Variants in NBPF8 observed in about 807,000 individuals in gnomAD.
NBPF8 encodes NBPF member 8.
At chr1:120,452,062 G>A (rs1195040202) in intron 12 of NBPF8, 55 bp from the exon 11 acceptor site, 1 of 1,418,588 alleles carries the variant, frequency 7.0e-7, no homozygotes, top group African/African-American at 1.4e-5. Context: ...TGCAATATTT[G>A]AGCGGATCAC....
upstream of NBPF8, among the ~76,000 whole-genome samples, chr1:120,416,849 A>G (rs1179198303): frequency 2.0e-5 from 3 of 150,646 alleles, no homozygotes; most frequent in African/African-American, 7.3e-5. Flanking sequence ...TGTCAGTTAA[A>G]AATTATTTTG....
At chr1:120,454,166 A>G in intron 15 of NBPF8, 52 bp downstream of exon 13, 1 of 1,578,762 alleles carries the variant, frequency 6.3e-7, no homozygotes, top group Non-Finnish European at 8.7e-7. Context: ...TGAGGAAGAT[A>G]AACTCTGAAG....
exon 25 of NBPF8, chr1:120,466,019 T>C (rs2101704231): frequency 6.2e-7 from 1 of 1,611,980 alleles, no homozygotes; most frequent in African/African-American, 1.3e-5. Context: ...CCTGAAGTCT[T>C]ACAGGACTCA....
intron 1 of NBPF8, among the ~76,000 whole-genome samples, chr1:120,425,475 G>T (rs1180287279): frequency 1.3e-5 from 2 of 152,030 alleles, no homozygotes; most frequent in Admixed American, 1.3e-4. Context: ...TTTACCTGCT[G>T]ATCTTGTCTC....
chr1:120,445,705 A>G, intron 7 of NBPF8: 2 of 195,240 alleles, frequency 1.0e-5, no homozygotes, highest in South Asian at 2.8e-5. Context: ...ATTCCTTTCA[A>G]CATGTGCTGA....
At chr1:120,419,407 G>A (rs2655814), upstream of NBPF8, among the ~76,000 whole-genome samples, 2 of 151,946 alleles carry the variant, frequency 1.3e-5, no homozygotes, top group Admixed American at 6.6e-5. Context: ...AGAAAGAATC[G>A]AATTCTTGTT....
exon 25 of NBPF8, chr1:120,466,239 G>A (rs1385326435): frequency 1.9e-4 from 308 of 1,606,640 alleles, no homozygotes; most frequent in Non-Finnish European, 2.4e-4. Context: ...TTACTAAGCC[G>A]AGAGGTGTCA....
upstream of NBPF8, chr1:120,433,026 T>A (rs1660928512): frequency 6.6e-6 from 1 of 152,174 alleles, no homozygotes; most frequent in East Asian, 1.9e-4. Flanking sequence ...ATACATGCAA[T>A]GAAGCAGGTA....
At chr1:120,422,556 T>C (rs1660604318) in intron 1 of NBPF8, among the ~76,000 whole-genome samples, 2 of 126,656 alleles carry the variant, frequency 1.6e-5, no homozygotes, top group Non-Finnish European at 3.3e-5. Context: ...TTTTCATGAC[T>C]TGACAGCTTG....
chr1:120,425,691 C>G (rs1388790596), intron 1 of NBPF8, among the ~76,000 whole-genome samples: 1 of 151,100 alleles, frequency 6.6e-6, no homozygotes, highest in Non-Finnish European at 1.5e-5. Context: ...ATGAGAAACG[C>G]CCACAGGTGT....
At chr1:120,454,103 A>T in exon 15 of NBPF8, 1 of 1,612,926 alleles carries the variant, frequency 6.2e-7, no homozygotes, top group Non-Finnish European at 8.5e-7. Flanking sequence ...GATGCTGTAC[A>T]CATTATTCCA....
At chr1:120,449,912 G>A (rs587684784) in intron 11 of NBPF8, among the ~76,000 whole-genome samples, 7 of 152,248 alleles carry the variant, frequency 4.6e-5, no homozygotes, top group South Asian at 4.1e-4. Flanking sequence ...AACCTGTGCT[G>A]TCTATAAGTG....
chr1:120,422,728 C>T (rs1161222983), intron 1 of NBPF8, among the ~76,000 whole-genome samples: 2 of 135,908 alleles, frequency 1.5e-5, no homozygotes, highest in Admixed American at 1.4e-4. Context: ...TTAAGTTTTC[C>T]AAAGTGACTG....
chr1:120,418,631 G>A (rs1408584071), upstream of NBPF8, among the ~76,000 whole-genome samples: 4 of 134,672 alleles, frequency 3.0e-5, no homozygotes, highest in African/African-American at 1.2e-4. Flanking sequence ...GGTCTCTGCA[G>A]CCTTGACCTC....
intron 3 of NBPF8, among the ~76,000 whole-genome samples, chr1:120,428,606 C>G (rs1660786555): frequency 2.0e-5 from 3 of 152,294 alleles, no homozygotes; most frequent in Non-Finnish European, 4.4e-5. Flanking sequence ...CAAAGCATGG[C>G]TGAGGCTTGT....
chr1:120,465,116 C>G, intron 23 of NBPF8, 147 bp from the exon 22 acceptor site: 1 of 188,852 alleles, frequency 5.3e-6, no homozygotes, highest in Non-Finnish European at 9.5e-6. Context: ...TCATGACCAG[C>G]CTTCAGGCCT....
intron 20 of NBPF8, among the ~76,000 whole-genome samples, chr1:120,462,543 G>A (rs1457718043): frequency 0.047 from 5,084 of 109,052 alleles, 147 homozygotes; most frequent in African/African-American, 0.13. Context: ...CCCTTCATCA[G>A]TGTGTCACCC....
upstream of NBPF8, among the ~76,000 whole-genome samples, chr1:120,416,865 C>T (rs1660450340): frequency 1.3e-5 from 2 of 149,454 alleles, no homozygotes; most frequent in African/African-American, 2.5e-5. Flanking sequence ...TTTTGCCATT[C>T]TAGTAGGGGT....
intron 17 of NBPF8, among the ~76,000 whole-genome samples, 152 bp downstream of exon 15, chr1:120,459,682 C>T (rs1553249996): frequency 2.6e-5 from 4 of 151,392 alleles, no homozygotes; most frequent in African/African-American, 4.9e-5. Context: ...ACTCTGGAGT[C>T]GAGTCTGAAG....
Sources: allele counts gnomAD v4.1 joint callset (sites outside exome capture counted in the v4.1 genomes callset), GRCh38; gene constraint gnomAD v4.1.1; transcripts MANE v1.5; gene names NCBI Gene and HGNC (gene_info 2026-07-23, HGNC 2026-07-21).